Variants in SLIT2 observed in about 807,000 individuals in gnomAD.
SLIT2 encodes slit homolog 2 protein.
SLIT2 carries 41 observed loss-of-function variants against 185.7 expected under a neutral mutation model. That is an observed-to-expected ratio of 0.22 (90% CI 0.17 to 0.29). The LOEUF is 0.29. Ranked by LOEUF, SLIT2 falls within the 10% of genes least tolerant of loss-of-function variation. SLIT2 has a pLI of 1.00. For missense variants in SLIT2, 1,571 were observed against 1,909.0 expected (o/e 0.82, Z 3.30); for synonymous variants, 693 against 680.2 (o/e 1.02, Z -0.29).
At chr4:20,430,529 A>G (rs952390275) in intron 4 of SLIT2, among the ~76,000 whole-genome samples, 1 of 152,224 alleles carries the variant, frequency 6.6e-6, no homozygotes. Context: ...TCTCTTTGCC[A>G]AGAACACAAC....
chr4:20,536,762 A>G (rs987864542), intron 18 of SLIT2, among the ~76,000 whole-genome samples: 1 of 138,758 alleles, frequency 7.2e-6, no homozygotes, highest in African/African-American at 2.6e-5. Flanking sequence ...AGCTGTATAA[A>G]TTTTTTTACT....
At chr4:20,412,041 T>C (rs1727296635) in intron 4 of SLIT2, among the ~76,000 whole-genome samples, 1 of 152,180 alleles carries the variant, frequency 6.6e-6, no homozygotes, top group Non-Finnish European at 1.5e-5. Flanking sequence ...TTTTATACTA[T>C]TTTGGATATG....
chr4:20,468,965 T>G (rs769334780), intron 5 of SLIT2, among the ~76,000 whole-genome samples: 1 of 152,138 alleles, frequency 6.6e-6, no homozygotes, highest in Non-Finnish European at 1.5e-5. Flanking sequence ...TGTAAATGAT[T>G]TTTTGAACTT....
chr4:20,418,139 C>T (rs552936396), intron 4 of SLIT2, among the ~76,000 whole-genome samples: 1 of 152,260 alleles, frequency 6.6e-6, no homozygotes, highest in African/African-American at 2.4e-5. Flanking sequence ...GAATGGATGA[C>T]TCTGTACATA....
intron 9 of SLIT2, among the ~76,000 whole-genome samples, chr4:20,493,342 T>C (rs1229865417): frequency 6.6e-6 from 1 of 151,700 alleles, no homozygotes; most frequent in Non-Finnish European, 1.5e-5. Flanking sequence ...AAGTAAAGAG[T>C]AGAACGAAAT....
At chr4:20,464,922 G>C (rs960483415) in intron 4 of SLIT2, among the ~76,000 whole-genome samples, 1 of 151,956 alleles carries the variant, frequency 6.6e-6, no homozygotes, top group Non-Finnish European at 1.5e-5. Context: ...TTAAAGACAG[G>C]AAATTGGCCT....
intron 4 of SLIT2, among the ~76,000 whole-genome samples, chr4:20,447,279 G>A (rs1413825363): frequency 6.6e-6 from 1 of 152,184 alleles, no homozygotes. Flanking sequence ...CAGGATCTGC[G>A]AGGACCAGGG....
chr4:20,256,529 GTT>G, intron 1 of SLIT2, 141 bp from the exon 2 acceptor site: 1 of 511,024 alleles, frequency 2.0e-6, no homozygotes, highest in Non-Finnish European at 3.5e-6. Context: ...CCTTTTAAAG[GTT>G]ATCCTCTTCT....
chr4:20,464,884 T>G lies in SLIT2; in HGVS notation c.396-2868T>G, dbSNP rs111787953. 3.0e-3 allele frequency among the ~76,000 whole-genome samples: 461 copies of G among 152,310 alleles called. 5 individuals are homozygous for G. Among genetic ancestry groups the G allele is most frequent in the African/African-American group, 0.011 (445 of 41,554 alleles). On this transcript the variant is annotated intron_variant, in intron 4 of 36. Transcript: ENST00000504154. ...TTCATCCTTCTGTTTGATATTCGCC[T>G]CATCTTCTTTACTCGATTTGAAAAT...
At chr4:20,264,559 C>T (rs1712828225) in intron 3 of SLIT2, among the ~76,000 whole-genome samples, 1 of 151,772 alleles carries the variant, frequency 6.6e-6, no homozygotes, top group Admixed American at 6.6e-5. Context: ...GAGACTATGA[C>T]CTCTGCTAAA....
chr4:20,346,157 TA>T lies in SLIT2; in HGVS notation c.395+77279del, dbSNP rs543184898. The stretch of plus-strand genomic sequence containing the variant: ...ACAAGCACGCACCACTATGCCCTGC[TA>T]AATTTTAAAATATTTTTGTAGAGAT... On this transcript the variant is annotated intron_variant, in intron 4 of 36. Transcript: ENST00000504154. 8.0e-4 allele frequency among the ~76,000 whole-genome samples: 122 copies of T among 152,224 alleles called. 1 individual carries two copies. The highest frequency in any genetic ancestry group is 1.3e-3 in the Non-Finnish European group (88 of 68,008).
intron 4 of SLIT2, among the ~76,000 whole-genome samples, chr4:20,290,904 C>G (rs905814699): frequency 3.3e-5 from 5 of 152,050 alleles, no homozygotes; most frequent in African/African-American, 1.2e-4. Context: ...GTGTCCCTAG[C>G]TTAAATTATT....
rs1309454767 is a variant in SLIT2, at chr4:20,503,284, G to A, written c.915-7211G>A. Among the ~76,000 whole-genome samples, 3 of 152,120 alleles carry A rather than the reference G, an allele frequency of 2.0e-5. No individual in the cohort carries two copies. The East Asian group carries it at 5.8e-4, about 29-fold the overall frequency. On this transcript the variant is annotated intron_variant, in intron 9 of 36. Transcript: ENST00000504154. Reference sequence around the variant, plus strand: ...ACTCAGTGCAGGGGTGGAGAATAATGAGAACTACTGTCTGCTTATTGAATA... The same window carrying A: ...ACTCAGTGCAGGGGTGGAGAATAATAAGAACTACTGTCTGCTTATTGAATA...
At chr4:20,300,923 G>A (rs1013374184) in intron 4 of SLIT2, among the ~76,000 whole-genome samples, 4 of 151,916 alleles carry the variant, frequency 2.6e-5, no homozygotes, top group African/African-American at 4.8e-5. Context: ...AAAAAAAATG[G>A]ATATGGTATA....
At chr4:20,499,723 C>G (rs577586353) in intron 9 of SLIT2, among the ~76,000 whole-genome samples, 30 of 152,152 alleles carry the variant, frequency 2.0e-4, no homozygotes, top group East Asian at 1.2e-3. Context: ...CTCCTGACCT[C>G]GTGATCTGCC....
At chr4:20,509,477 T>A (rs1240131099) in intron 9 of SLIT2, among the ~76,000 whole-genome samples, 1 of 152,004 alleles carries the variant, frequency 6.6e-6, no homozygotes, top group Admixed American at 6.6e-5. Context: ...GGAAGAAATA[T>A]CCTGGCTTCT....
In SLIT2 at chr4:20,619,099, A is replaced by G. The variant is rs182626618; in HGVS notation, c.*90A>G. On this transcript the variant is annotated 3_prime_UTR_variant, in exon 37 of 37. Coordinates refer to ENST00000504154, the MANE Select transcript of SLIT2 (RefSeq NM_004787.4). ...AATGCTTCATAGTGGAAATATTTGA[A>G]ATATATTGTAAAATACAGAACAGAC... 5 of 1,320,570 alleles carry G rather than the reference A, an allele frequency of 3.8e-6. No homozygotes were observed. The highest frequency in any genetic ancestry group is 5.2e-6 in the Non-Finnish European group (5 of 956,642). 81.8% of individuals were successfully genotyped at this position (1,320,570 alleles called of 1,614,324 possible). A position where few individuals can be genotyped will look rare whatever the true frequency, so the allele number is the denominator to read the frequency against.
intron 8 of SLIT2, among the ~76,000 whole-genome samples, chr4:20,491,393 G>A (rs1414396506): frequency 1.3e-5 from 2 of 152,074 alleles, no homozygotes; most frequent in Non-Finnish European, 2.9e-5. Flanking sequence ...TAAAGACCAA[G>A]CTCTATTTAA....
At chr4:20,610,744 T>C (rs1257443842) in intron 34 of SLIT2, among the ~76,000 whole-genome samples, 1 of 152,164 alleles carries the variant, frequency 6.6e-6, no homozygotes, top group Non-Finnish European at 1.5e-5. Context: ...ACAAATTGTA[T>C]TAGAATAACA....
Sources: allele counts gnomAD v4.1 joint callset (sites outside exome capture counted in the v4.1 genomes callset), GRCh38; gene constraint gnomAD v4.1.1; transcripts MANE v1.5; gene names NCBI Gene and HGNC (gene_info 2026-07-23, HGNC 2026-07-21).